Variants in AKAP13 observed in about 807,000 individuals in gnomAD.
AKAP13 encodes A-kinase anchoring protein 13.
A neutral mutation model predicts 264.5 loss-of-function variants in AKAP13; 80 were observed. The ratio of observed to expected loss-of-function variants is 0.30; its 90% CI spans 0.25 to 0.36. The LOEUF (loss-of-function observed/expected upper bound fraction) is 0.36, where lower values mean the gene tolerates loss of function less well. AKAP13 is among the 10% of genes least tolerant of loss of function. The probability of loss-of-function intolerance (pLI) is 1.00; values close to 1 mark genes in which losing one functional copy is unlikely to be tolerated. For synonymous variants in AKAP13, 1,380 were observed against 1,250.2 expected (o/e 1.10, Z -2.19); for missense variants, 3,712 against 3,435.2 (o/e 1.08, Z -2.01).
chr15:85,454,770 TC>T lies in AKAP13; in HGVS notation c.-11-30939del, dbSNP rs796580802. 6.6e-5 allele frequency among the ~76,000 whole-genome samples: 10 copies of T among 152,336 alleles called. No individual in the cohort carries two copies. The South Asian group carries it at 2.1e-3, about 32-fold the overall frequency. On this transcript the variant is annotated intron_variant, in intron 1 of 36. Coordinates refer to ENST00000394518, the MANE Select transcript of AKAP13 (RefSeq NM_007200.5). ...TCACTGTGATCAATTTTGAATCTTT[TC>T]ATCACCCCAGAACGAGACTTTGCAC...
At chr15:85,673,662 CTTTCT>C (rs2084042522) in intron 14 of AKAP13, among the ~76,000 whole-genome samples, 2 of 103,436 alleles carry the variant, frequency 1.9e-5, no homozygotes, top group South Asian at 3.3e-4. Context: ...CCCTTTCTTT[CTTTCT>C]TTTTTTTTTT....
chr15:85,660,883 C>T (rs2083312977), intron 12 of AKAP13, among the ~76,000 whole-genome samples: 2 of 152,178 alleles, frequency 1.3e-5, no homozygotes, highest in South Asian at 4.1e-4. Flanking sequence ...ATAGGGGTAG[C>T]TCTTACATCC....
chr15:85,406,706 G>A (rs1405145299), intron 1 of AKAP13, among the ~76,000 whole-genome samples: 1 of 151,652 alleles, frequency 6.6e-6, no homozygotes, highest in Non-Finnish European at 1.5e-5. Flanking sequence ...TAGGAGACAT[G>A]AATTGGCTAA....
intron 14 of AKAP13, among the ~76,000 whole-genome samples, chr15:85,679,949 A>G (rs896424903): frequency 2.0e-5 from 3 of 152,318 alleles, no homozygotes; most frequent in African/African-American, 4.8e-5. Flanking sequence ...TGTGTTCAGA[A>G]CCACATCTAA....
intron 2 of AKAP13, among the ~76,000 whole-genome samples, chr15:85,508,939 A>G (rs1047098246): frequency 4.6e-5 from 7 of 152,186 alleles, no homozygotes; most frequent in African/African-American, 1.4e-4. Flanking sequence ...CCACCCTGTC[A>G]GGAAAAGTAT....
At chr15:85,466,123 A>T (rs1044020632) in intron 1 of AKAP13, among the ~76,000 whole-genome samples, 1 of 151,802 alleles carries the variant, frequency 6.6e-6, no homozygotes, top group African/African-American at 2.4e-5. Flanking sequence ...GCATTTTTTC[A>T]TGTGTTTTTT....
chr15:85,448,882 A>G (rs2150973549), intron 1 of AKAP13, among the ~76,000 whole-genome samples: 1 of 149,460 alleles, frequency 6.7e-6, no homozygotes, highest in African/African-American at 2.5e-5. Flanking sequence ...AAAAAAGAAA[A>G]CTTTTTTCCT....
intron 11 of AKAP13, 109 bp from the exon 12 acceptor site, chr15:85,658,428 T>C (rs2083196636): frequency 2.3e-6 from 2 of 875,860 alleles, no homozygotes; most frequent in Non-Finnish European, 3.6e-6. Flanking sequence ...CCTGTGCCAT[T>C]TCTCTTTGAG....
intron 1 of AKAP13, among the ~76,000 whole-genome samples, chr15:85,413,630 G>A (rs1449090869): frequency 1.3e-5 from 2 of 152,144 alleles, no homozygotes; most frequent in Non-Finnish European, 2.9e-5. Flanking sequence ...TCAGAGAGGG[G>A]AAGTGACTCA....
In AKAP13 at chr15:85,708,119, TA is replaced by T; in HGVS notation, c.5532+37del. The T allele has an allele frequency of 6.2e-7, 1 of 1,606,828 alleles. No homozygotes were observed. Among genetic ancestry groups the T allele is most frequent in the Non-Finnish European group, 8.5e-7 (1 of 1,175,232 alleles). ...TTTCTGGCTAAAACAAGGCTTAAAATAAAAGGGTTTAAACCAGCAAAATCCT... is the reference window on the plus strand; with the variant it reads ...TTTCTGGCTAAAACAAGGCTTAAAATAAAGGGTTTAAACCAGCAAAATCCT... On this transcript the variant is annotated intron_variant, in intron 18 of 36. Transcript: ENST00000394518. This position sits in a 1 kb window ranked among gnomAD's most constrained non-coding sequence, Gnocchi z 4.3.
At chr15:85,474,924 G>A (rs1288161492) in intron 1 of AKAP13, among the ~76,000 whole-genome samples, 3 of 152,164 alleles carry the variant, frequency 2.0e-5, no homozygotes, top group South Asian at 2.1e-4. Context: ...GTCACATAAC[G>A]TGTGTGAGAA....
At chr15:85,704,945 A>G (rs943340322) in intron 17 of AKAP13, among the ~76,000 whole-genome samples, 1 of 152,226 alleles carries the variant, frequency 6.6e-6, no homozygotes, top group Non-Finnish European at 1.5e-5. Context: ...GTCCAGGACA[A>G]CTTGGAAACA....
intron 1 of AKAP13, among the ~76,000 whole-genome samples, chr15:85,450,802 A>G (rs947152937): frequency 6.6e-6 from 1 of 152,150 alleles, no homozygotes; most frequent in African/African-American, 2.4e-5. Context: ...AGTATGTGCC[A>G]TGTCGTGATG....
intron 33 of AKAP13, 84 bp from the exon 34 acceptor site, chr15:85,740,138 A>G (rs2088847394): frequency 1.4e-6 from 2 of 1,400,360 alleles, no homozygotes; most frequent in East Asian, 2.3e-5. Flanking sequence ...TAAAGGAGCC[A>G]TCTTATCAGG....
Position 85,546,574 on chromosome 15 carries a change from G to A in AKAP13, c.662+2619G>A, listed in dbSNP as rs36056329. On this transcript the variant is annotated intron_variant, in intron 5 of 36. Transcript: ENST00000394518. ...CCAGAGCTCTTTCCTTCCACTCCTG[G>A]GATTCTTAAAAAGTGGCCCAAGAAT... Among the ~76,000 whole-genome samples the A allele has an allele frequency of 5.1e-3, 771 of 152,064 alleles. 5 individuals carry two copies. The highest frequency in any genetic ancestry group is 0.014 in the Middle Eastern group (4 of 292).
intron 1 of AKAP13, among the ~76,000 whole-genome samples, chr15:85,398,471 G>A (rs888184294): frequency 3.3e-5 from 5 of 152,180 alleles, no homozygotes; most frequent in African/African-American, 1.2e-4. Context: ...CAGCCCATAT[G>A]TGGACTAGCC....
chr15:85,537,821 A>G (rs77398236), intron 4 of AKAP13, among the ~76,000 whole-genome samples: 2,872 of 152,338 alleles, frequency 0.019, 103 homozygotes, highest in African/African-American at 0.066. Flanking sequence ...TTCATTTTGA[A>G]TGTACCATTT....
At chr15:85,460,072 A>G (rs1380270841) in intron 1 of AKAP13, among the ~76,000 whole-genome samples, 1 of 152,182 alleles carries the variant, frequency 6.6e-6, no homozygotes, top group African/African-American at 2.4e-5. Flanking sequence ...CAAGGGCAAA[A>G]ATTGCTTTCT....
intron 1 of AKAP13, among the ~76,000 whole-genome samples, chr15:85,410,763 C>T (rs1429070105): frequency 2.6e-5 from 4 of 151,616 alleles, no homozygotes; most frequent in Admixed American, 2.6e-4. Context: ...CTCCTTGAAT[C>T]CTTCTCTAGC....
Sources: allele counts gnomAD v4.1 joint callset (sites outside exome capture counted in the v4.1 genomes callset), GRCh38; gene constraint gnomAD v4.1.1; non-coding constraint Gnocchi (gnomAD v3.1); transcripts MANE v1.5; gene names NCBI Gene and HGNC (gene_info 2026-07-23, HGNC 2026-07-21).